STARD13: variants seen among roughly 807,000 people sequenced by gnomAD.
STARD13 encodes stAR-related lipid transfer protein 13.
Under a neutral mutation model 106.4 loss-of-function variants are expected in STARD13, and 62 were observed. That is an observed-to-expected ratio of 0.58 (90% CI 0.48 to 0.72). The LOEUF is 0.72. Ranked by LOEUF, STARD13 falls within the 30% of genes least tolerant of loss-of-function variation. The probability of loss-of-function intolerance (pLI) is 0.00; values close to 1 mark genes in which losing one functional copy is unlikely to be tolerated. For missense variants in STARD13, 1,387 were observed against 1,424.0 expected, an observed-to-expected ratio of 0.97 and a Z score of 0.42; for synonymous variants, 565 against 553.0, an observed-to-expected ratio of 1.02 and a Z score of -0.31.
rs188502572 is a variant in STARD13, at chr13:33,176,680, T to G, written c.170-9058A>C. 2.8e-3 allele frequency among the ~76,000 whole-genome samples: 420 copies of G among 152,306 alleles called. 2 individuals are homozygous for G. The highest frequency in any genetic ancestry group is 9.7e-3 in the African/African-American group (403 of 41,572). On this transcript the variant is annotated intron_variant, in intron 1 of 13. Transcript: ENST00000336934. ...GGATGGAAGAGATGAAGTTCTCCAC[T>G]GAAGACTTAAGAAACTTAATTCCTA...
At chr13:33,189,517 T>G (rs1886086920) in intron 1 of STARD13, among the ~76,000 whole-genome samples, 1 of 151,076 alleles carries the variant, frequency 6.6e-6, no homozygotes, top group South Asian at 2.1e-4. Flanking sequence ...AATTCAGTCC[T>G]TCCGATGGCA....
intron 1 of STARD13, among the ~76,000 whole-genome samples, chr13:33,193,548 G>T (rs918461399): frequency 6.6e-6 from 1 of 152,142 alleles, no homozygotes; most frequent in African/African-American, 2.4e-5. Context: ...TTGGAGATGA[G>T]CAACTAGAAG....
intron 8 of STARD13, among the ~76,000 whole-genome samples, chr13:33,114,778 C>T (rs1480327830): frequency 1.3e-5 from 2 of 152,004 alleles, no homozygotes; most frequent in Non-Finnish European, 2.9e-5. Context: ...GTCTCAGTTC[C>T]CTTTCTATCC....
upstream of STARD13, chr13:33,350,782 C>T (rs574737544): frequency 2.1e-4 from 85 of 414,556 alleles, no homozygotes; most frequent in South Asian, 8.5e-3. Context: ...GCTTCCCCTT[C>T]CCTCCCTCGC....
rs80036795 is a variant in STARD13, at chr13:33,153,067, G to T, written c.324-10694C>A. Among the ~76,000 whole-genome samples, 572 of 152,266 alleles carry T rather than the reference G, an allele frequency of 3.8e-3. 2 individuals are homozygous for T. Among genetic ancestry groups the T allele is most frequent in the African/African-American group, 0.013 (542 of 41,552 alleles). On this transcript the variant is annotated intron_variant, in intron 3 of 13. Coordinates refer to ENST00000336934, the MANE Select transcript of STARD13 (RefSeq NM_178006.4). ...GGAGGGTGATTTAGGTTATTTTGAG[G>T]AGAAAGTGAAGAATTTATCACCACA... is the stretch of plus-strand genomic sequence containing the variant.
At chr13:33,538,946 T>C in the STARD13 span, among the ~76,000 whole-genome samples, 1 of 152,100 alleles carries the variant, frequency 6.6e-6, no homozygotes, top group East Asian at 1.9e-4. Flanking sequence ...ATTTTTTGTA[T>C]ATTTAGTAGA....
At chr13:33,186,161 T>C (rs1885751992) in intron 1 of STARD13, 1 of 980,910 alleles carries the variant, frequency 1.0e-6, no homozygotes, top group Admixed American at 3.0e-5. Flanking sequence ...CCACACTTCC[T>C]TTCCTCATTG....
chr13:33,177,649 AT>A (rs1328443213), intron 1 of STARD13, among the ~76,000 whole-genome samples: 1 of 151,964 alleles, frequency 6.6e-6, no homozygotes, highest in Non-Finnish European at 1.5e-5. Flanking sequence ...CAAATAAATG[AT>A]TTCAATTTTC....
At chr13:33,316,191 C>G (rs1347005201) in intron 1 of STARD13, among the ~76,000 whole-genome samples, 2 of 152,196 alleles carry the variant, frequency 1.3e-5, no homozygotes, top group Non-Finnish European at 2.9e-5. Flanking sequence ...TAATTCTCTT[C>G]AGGCAGCCTT....
chr13:33,517,006 T>G, the STARD13 span, among the ~76,000 whole-genome samples: 32 of 151,964 alleles, frequency 2.1e-4, no homozygotes, highest in Non-Finnish European at 4.4e-4. Context: ...TGTGTGTTGA[T>G]TACATGTCAA....
chr13:33,511,462 A>G, the STARD13 span: 2 of 152,176 alleles, frequency 1.3e-5, no homozygotes, highest in Non-Finnish European at 2.9e-5. Flanking sequence ...AAAGGTAGCT[A>G]AGGTCACAAA....
At chr13:33,590,382 C>A in the STARD13 span, among the ~76,000 whole-genome samples, 6 of 152,002 alleles carry the variant, frequency 3.9e-5, no homozygotes, top group African/African-American at 1.5e-4. Flanking sequence ...TCATGCTCTC[C>A]TAAAGACACA....
At chr13:33,341,431 T>G (rs1483136991) in intron 1 of STARD13, among the ~76,000 whole-genome samples, 2 of 151,882 alleles carry the variant, frequency 1.3e-5, no homozygotes, top group African/African-American at 4.8e-5. Context: ...AAGGTCAGGA[T>G]ATCAAGACCA....
At chr13:33,525,220 G>A in the STARD13 span, among the ~76,000 whole-genome samples, 5 of 152,020 alleles carry the variant, frequency 3.3e-5, no homozygotes, top group East Asian at 1.9e-4. Flanking sequence ...ACAGGGTCTC[G>A]CTACGTTGAC....
At chr13:33,360,075 TTTCC>T in the STARD13 span, among the ~76,000 whole-genome samples, 1 of 152,230 alleles carries the variant, frequency 6.6e-6, no homozygotes, top group South Asian at 2.1e-4. Flanking sequence ...TCCTGCAACA[TTTCC>T]TTGTTATCAG....
At chr13:33,252,837 C>T (rs894922257) in intron 1 of STARD13, among the ~76,000 whole-genome samples, 13 of 152,158 alleles carry the variant, frequency 8.5e-5, no homozygotes, top group Non-Finnish European at 1.6e-4. Context: ...GGTGGTACGA[C>T]GAGGGTTGTA....
At chr13:33,667,541 T>A in the STARD13 span, among the ~76,000 whole-genome samples, 1 of 152,258 alleles carries the variant, frequency 6.6e-6, no homozygotes, top group African/African-American at 2.4e-5. Flanking sequence ...TGTGTGAATG[T>A]GTCCATTTAT....
the STARD13 span, among the ~76,000 whole-genome samples, chr13:33,532,301 T>A: frequency 6.6e-6 from 1 of 152,182 alleles, no homozygotes; most frequent in Non-Finnish European, 1.5e-5. Flanking sequence ...AAAACTGAAG[T>A]TTATCTAATT....
chr13:33,468,463 G>T, the STARD13 span, among the ~76,000 whole-genome samples: 1 of 152,160 alleles, frequency 6.6e-6, no homozygotes, highest in African/African-American at 2.4e-5. Context: ...AGGTGTTTGG[G>T]CCATGGGGAC....
Sources: allele counts gnomAD v4.1 joint callset (sites outside exome capture counted in the v4.1 genomes callset), GRCh38; gene constraint gnomAD v4.1.1; transcripts MANE v1.5; gene names NCBI Gene and HGNC (gene_info 2026-07-23, HGNC 2026-07-21).